The following CNBD1 variants were observed in gnomAD, a reference collection of about 807,000 sequenced individuals.
CNBD1 encodes cyclic nucleotide binding domain containing 1, also known as cyclic nucleotide-binding domain-containing protein 1.
CNBD1 carries 71 observed loss-of-function variants against 54.4 expected under a neutral mutation model. The observed-to-expected ratio is 1.30, with a 90% CI of 1.08 to 1.59. The LOEUF is 1.59. Among genes scored for constraint, CNBD1 ranks in the 40% most tolerant of loss-of-function variants. The pLI is 0.00. For synonymous variants in CNBD1, 182 were observed against 170.7 expected, an observed-to-expected ratio of 1.07 and a Z score of -0.51; for missense variants, 659 against 518.0, an observed-to-expected ratio of 1.27 and a Z score of -2.64.
At chr8:87,401,897 T>C (rs1372606904) in intron 2 of CNBD1, among the ~76,000 whole-genome samples, 1 of 152,002 alleles carries the variant, frequency 6.6e-6, no homozygotes, top group Non-Finnish European at 1.5e-5. Flanking sequence ...CCTCTCTTCC[T>C]TGTGCACAAT....
At chr8:87,361,319 G>A (rs937985090) in intron 10 of CNBD1, among the ~76,000 whole-genome samples, 1 of 151,738 alleles carries the variant, frequency 6.6e-6, no homozygotes, top group Non-Finnish European at 1.5e-5. Context: ...TATTTGCAAA[G>A]CTTGACAAAA....
At chr8:87,265,549 T>C (rs970459720) in intron 6 of CNBD1, among the ~76,000 whole-genome samples, 1 of 152,122 alleles carries the variant, frequency 6.6e-6, no homozygotes, top group South Asian at 2.1e-4. Flanking sequence ...AATTTTATAG[T>C]TTTTAAAAAA....
intron 2 of CNBD1, among the ~76,000 whole-genome samples, chr8:86,895,366 A>C (rs1808834836): frequency 6.6e-6 from 1 of 152,076 alleles, no homozygotes; most frequent in African/African-American, 2.4e-5. Flanking sequence ...TCACTTATTG[A>C]AGCACATCTT....
At chr8:86,866,673 GTTGATAGGGACA>G in intron 1 of CNBD1, 90 bp downstream of exon 1, 1 of 896,142 alleles carries the variant, frequency 1.1e-6, no homozygotes, top group South Asian at 1.5e-5. Flanking sequence ...GTATTTCAGG[GTTGATAGGGACA>G]TTGGGAATCT....
At chr8:86,951,579 CACAAAAAAAAAAAAA>C (rs1377125759) in intron 4 of CNBD1, among the ~76,000 whole-genome samples, 2 of 2,692 alleles carry the variant, frequency 7.4e-4, no homozygotes, top group African/African-American at 1.2e-3. Context: ...GGCTCCGTCT[CACAAAAAAAAAAAAA>C]AAAAAAAAAA....
chr8:87,139,062 C>T (rs1363335484), intron 4 of CNBD1, among the ~76,000 whole-genome samples: 3 of 152,086 alleles, frequency 2.0e-5, no homozygotes, highest in Non-Finnish European at 4.4e-5. Flanking sequence ...CGTAATTTTT[C>T]ATTCAAATTC....
At chr8:86,923,188 G>T (rs373037383) in intron 3 of CNBD1, among the ~76,000 whole-genome samples, 1 of 152,178 alleles carries the variant, frequency 6.6e-6, no homozygotes, top group South Asian at 2.1e-4. Context: ...GGCGGCTCAA[G>T]GGCCCAGTTA....
At chr8:87,203,831 T>C (rs1367381186) in intron 4 of CNBD1, among the ~76,000 whole-genome samples, 1 of 152,126 alleles carries the variant, frequency 6.6e-6, no homozygotes, top group African/African-American at 2.4e-5. Flanking sequence ...GAGCCAGGAA[T>C]AGGCTATTAC....
chr8:87,180,143 G>T (rs895270710), intron 4 of CNBD1, among the ~76,000 whole-genome samples: 5 of 151,746 alleles, frequency 3.3e-5, no homozygotes, highest in African/African-American at 4.8e-5. Flanking sequence ...GACTGCCCAG[G>T]AAATGCATAT....
chr8:87,082,488 A>G (rs1043099835), intron 4 of CNBD1, among the ~76,000 whole-genome samples: 1 of 152,174 alleles, frequency 6.6e-6, no homozygotes, highest in Admixed American at 6.5e-5. Context: ...CTTTATCTTG[A>G]CAATATTCCT....
downstream of CNBD1, among the ~76,000 whole-genome samples, chr8:87,384,884 G>C (rs973698443): frequency 6.6e-6 from 1 of 152,132 alleles, no homozygotes; most frequent in Non-Finnish European, 1.5e-5. Flanking sequence ...AAATGAATGA[G>C]TGAAAGGGGA....
intron 8 of CNBD1, among the ~76,000 whole-genome samples, chr8:87,332,627 T>C (rs1185220152): frequency 6.6e-6 from 1 of 152,100 alleles, no homozygotes; most frequent in Admixed American, 6.6e-5. Context: ...CACTGTTTAT[T>C]GTAGGGAATC....
At chr8:87,391,805 G>A (rs573145390) in intron 2 of CNBD1, among the ~76,000 whole-genome samples, 1 of 151,886 alleles carries the variant, frequency 6.6e-6, no homozygotes, top group East Asian at 1.9e-4. Flanking sequence ...AGACACAAAA[G>A]CCCAACCAAA....
chr8:87,350,583 A>G (rs1192377092), intron 8 of CNBD1, among the ~76,000 whole-genome samples: 1 of 151,822 alleles, frequency 6.6e-6, no homozygotes, highest in East Asian at 1.9e-4. Flanking sequence ...AACATCAATA[A>G]TTTTTATTAT....
chr8:87,212,470 C>G (rs1489932268), intron 5 of CNBD1, among the ~76,000 whole-genome samples: 2 of 151,998 alleles, frequency 1.3e-5, no homozygotes, highest in Non-Finnish European at 2.9e-5. Flanking sequence ...TTACTACAAA[C>G]CTATAGTAAC....
chr8:87,180,185 T>C (rs1295681239), intron 4 of CNBD1, among the ~76,000 whole-genome samples: 2 of 152,206 alleles, frequency 1.3e-5, no homozygotes, highest in Non-Finnish European at 2.9e-5. Context: ...ATGATTACTA[T>C]ATTTCCTGCA....
At chr8:87,229,446 A>G (rs1265274517) in intron 5 of CNBD1, among the ~76,000 whole-genome samples, 1 of 152,182 alleles carries the variant, frequency 6.6e-6, no homozygotes, top group East Asian at 1.9e-4. Context: ...CACAATTCAT[A>G]CATTTAACAC....
chr8:86,885,529 A>T (rs1371040906), intron 1 of CNBD1, among the ~76,000 whole-genome samples: 4 of 152,220 alleles, frequency 2.6e-5, no homozygotes, highest in Non-Finnish European at 4.4e-5. Context: ...AAACAAATGT[A>T]AACTTTATAC....
chr8:87,395,490 A>G (rs1245257655), intron 2 of CNBD1, among the ~76,000 whole-genome samples: 2 of 151,906 alleles, frequency 1.3e-5, no homozygotes, highest in African/African-American at 4.8e-5. Context: ...ATGCTACAAT[A>G]AAGGTTTTAA....
Sources: allele counts gnomAD v4.1 joint callset (sites outside exome capture counted in the v4.1 genomes callset), GRCh38; gene constraint gnomAD v4.1.1; transcripts MANE v1.5; gene names NCBI Gene and HGNC (gene_info 2026-07-23, HGNC 2026-07-21).